Variants in CCDC181 observed in about 807,000 individuals in gnomAD.
CCDC181 encodes coiled-coil domain-containing protein 181.
A neutral mutation model predicts 58.7 loss-of-function variants in CCDC181; 35 were observed. That is an observed-to-expected ratio of 0.60 (90% CI 0.46 to 0.79). CCDC181 has a LOEUF of 0.79. Among genes scored for constraint, CCDC181 ranks in the 30% least tolerant of loss-of-function variants. The pLI, the probability that CCDC181 is intolerant of heterozygous loss-of-function variation, is 0.00. For missense variants in CCDC181, 517 were observed against 583.9 expected, an observed-to-expected ratio of 0.89 and a Z score of 1.18; for synonymous variants, 183 against 197.5, an observed-to-expected ratio of 0.93 and a Z score of 0.62.
At chr1:169,400,498 A>G (rs899276088) in intron 4 of CCDC181, among the ~76,000 whole-genome samples, 1 of 152,222 alleles carries the variant, frequency 6.6e-6, no homozygotes, top group Non-Finnish European at 1.5e-5. Context: ...CCCATAATCC[A>G]GAGAAAGAGG....
At position 169,421,531 on chromosome 1, in the gene CCDC181, A is replaced by G; in HGVS notation, c.900T>C (p.Thr300=). 6.2e-7 allele frequency: 1 copy of G among 1,614,104 alleles called. No homozygotes were observed. The highest frequency in any genetic ancestry group is 1.1e-5 in the South Asian group (1 of 91,072). The part of the protein sequence containing the change: ...YIAQPPLNRK[T]CPSSAVNSDR... Reference sequence around the variant, plus strand: ...CTGAGTTGACAGCAGAGCTTGGACAAGTCTTGCGGTTGAGTGGTGGCTGAG... The same window carrying G: ...CTGAGTTGACAGCAGAGCTTGGACAGGTCTTGCGGTTGAGTGGTGGCTGAG... Residue 300 remains threonine (T), a synonymous_variant, in exon 3 of 6, where the codon ACT becomes ACC. Coordinates refer to ENST00000367806, the MANE Select transcript of CCDC181 (RefSeq NM_001300969.2).
chr1:169,421,965 C>A lies in CCDC181; in HGVS notation c.466G>T (p.Asp156Tyr). The change falls in exon 3 of 6, where the codon GAC (aspartate) becomes TAC (tyrosine). Residue 156 changes from aspartate to tyrosine, a missense_variant. Coordinates refer to ENST00000367806, the MANE Select transcript of CCDC181 (RefSeq NM_001300969.2). The part of the protein sequence containing the change: ...DKRERKLKFK[D>Y]QLVDLEVPPL... ...GGAACTTCCAAATCAACTAACTGGT[C>A]CTTGAACTTAAGTTTTCGCTCCCTT... 6.2e-7 allele frequency: 1 copy of A among 1,613,990 alleles called. No individual in the cohort carries two copies.
At chr1:169,430,590 G>A (rs1258537592), upstream of CCDC181, among the ~76,000 whole-genome samples, 1 of 151,960 alleles carries the variant, frequency 6.6e-6, no homozygotes, top group Non-Finnish European at 1.5e-5. Flanking sequence ...TTCTCATCTT[G>A]GTTGATGTTG....
intron 2 of CCDC181, among the ~76,000 whole-genome samples, chr1:169,424,598 G>A (rs186893519): frequency 1.3e-5 from 2 of 151,836 alleles, no homozygotes; most frequent in Non-Finnish European, 3.0e-5. Context: ...CGTAATAACT[G>A]TTCTCTCACT....
chr1:169,406,753 T>A (rs559729404), intron 4 of CCDC181, among the ~76,000 whole-genome samples: 64 of 151,920 alleles, frequency 4.2e-4, no homozygotes, highest in Non-Finnish European at 7.5e-4. Context: ...ACCTGCACGT[T>A]GTGGCACATG....
chr1:169,432,504 T>C (rs1656947875), intron 2 of CCDC181, among the ~76,000 whole-genome samples: 2 of 152,098 alleles, frequency 1.3e-5, no homozygotes, highest in African/African-American at 4.8e-5. Context: ...GTACTCCAAG[T>C]AGTATGAATT....
Position 169,421,656 on chromosome 1 carries a change from A to T in CCDC181, c.775T>A (p.Ser259Thr). 6.2e-7 allele frequency: 1 copy of T among 1,614,102 alleles called. No individual in the cohort carries two copies. The highest frequency in any genetic ancestry group is 8.5e-7 in the Non-Finnish European group (1 of 1,180,014). ...GTGCCACTGACAGAGGAGTTGGAAG[A>T]TCTGGGTAACAACTGCTGAGGGTCA... The part of the protein sequence containing the change: ...ENDPQQLLPR[S>T]SNSSVSGTKK... Residue 259 changes from serine to threonine, a missense_variant, in exon 3 of 6, where the codon TCT (serine) becomes ACT (threonine). Physicochemically the swap from Ser to Thr is moderately conservative, Grantham distance 58 (BLOSUM62 1). Transcript: ENST00000367806.
At chr1:169,459,885 G>A (rs1166640313) in intron 1 of CCDC181, 2 of 110,238 alleles carry the variant, frequency 1.8e-5, no homozygotes, top group East Asian at 4.8e-4. Flanking sequence ...TAATGGTCAA[G>A]TTACGCAGTT....
chr1:169,453,212 A>ATTTT (rs1657594359), intron 2 of CCDC181, among the ~76,000 whole-genome samples: 2 of 152,064 alleles, frequency 1.3e-5, no homozygotes, highest in African/African-American at 4.8e-5. Context: ...TCAAAAGGAC[A>ATTTT]TTGTATTTCT....
intron 5 of CCDC181, among the ~76,000 whole-genome samples, chr1:169,396,809 C>T (rs1178786362): frequency 2.6e-5 from 4 of 152,108 alleles, no homozygotes; most frequent in Non-Finnish European, 5.9e-5. Context: ...CTCCTTAGTC[C>T]ACCTGCCTTT....
chr1:169,433,808 A>G (rs1571505802), intron 2 of CCDC181, among the ~76,000 whole-genome samples: 1 of 152,042 alleles, frequency 6.6e-6, no homozygotes, highest in African/African-American at 2.4e-5. Flanking sequence ...TGTAAGAACT[A>G]AAACTATGAA....
At position 169,449,775 on chromosome 1, in the gene CCDC181, G is replaced by A. The variant is rs143326936; in HGVS notation, c.-24+10022C>T. On this transcript the variant is annotated intron_variant, in intron 2 of 6. Transcript: ENST00000545005. ...TTCTGCCTGCTTTTATTCTAGCTGC[G>A]ATGGCAGCTGATTAGATTGTGCCCA... 1.8e-3 allele frequency among the ~76,000 whole-genome samples: 277 copies of A among 152,272 alleles called. 1 individual carries two copies. The highest frequency in any genetic ancestry group is 6.2e-3 in the African/African-American group (257 of 41,562).
intron 4 of CCDC181, among the ~76,000 whole-genome samples, chr1:169,407,443 T>C (rs1312427866): frequency 6.6e-6 from 1 of 152,116 alleles, no homozygotes. Flanking sequence ...TATGTATATA[T>C]TCAGAGCAAT....
At chr1:169,427,261 C>T (rs1206043401) in intron 1 of CCDC181, 27 bp downstream of exon 1, 3 of 152,418 alleles carry the variant, frequency 2.0e-5, no homozygotes, top group Non-Finnish European at 4.4e-5. Flanking sequence ...ATCGTCCTTC[C>T]CTTCTCTCCC....
chr1:169,433,358 A>G (rs1213154614), intron 2 of CCDC181, among the ~76,000 whole-genome samples: 1 of 152,014 alleles, frequency 6.6e-6, no homozygotes, highest in Non-Finnish European at 1.5e-5. Context: ...TATTATTAAG[A>G]TGTCAGTATT....
At chr1:169,436,501 G>A (rs1419497180) in intron 2 of CCDC181, among the ~76,000 whole-genome samples, 1 of 152,178 alleles carries the variant, frequency 6.6e-6, no homozygotes, top group African/African-American at 2.4e-5. Flanking sequence ...TGCCTCCTGA[G>A]TTCAAGTGAT....
chr1:169,425,482 A>C (rs573967128), intron 1 of CCDC181, among the ~76,000 whole-genome samples: 1 of 152,236 alleles, frequency 6.6e-6, no homozygotes, highest in Non-Finnish European at 1.5e-5. Context: ...TAGATTTGCT[A>C]AAGGACTCAA....
rs189885929 is a variant in CCDC181, at chr1:169,405,625, T to C, written c.1216-8234A>G. On this transcript the variant is annotated intron_variant, in intron 4 of 5. Transcript: ENST00000367806. ...CCATATGTAGAAAGCTGAAACTGGA[T>C]TCCTTCCTTACGCCTTATACAAAAA... 2.0e-3 allele frequency among the ~76,000 whole-genome samples: 305 copies of C among 152,308 alleles called. 2 individuals are homozygous for C. Among genetic ancestry groups the C allele is most frequent in the African/African-American group, 7.0e-3 (289 of 41,560 alleles).
chr1:169,412,976 T>C (rs1656045727), intron 4 of CCDC181, among the ~76,000 whole-genome samples: 2 of 152,182 alleles, frequency 1.3e-5, no homozygotes, highest in Admixed American at 6.5e-5. Flanking sequence ...AAAGACTTTA[T>C]GACTAAAACA....
Sources: gnomAD v4.1 joint callset for allele counts (sites outside exome capture counted in the v4.1 genomes callset) on GRCh38, gnomAD v4.1.1 for gene constraint, MANE v1.5 for transcripts, NCBI Gene and HGNC (gene_info 2026-07-23, HGNC 2026-07-21) for gene names.